Variants in CORIN observed in about 807,000 individuals in gnomAD.
CORIN encodes corin, serine peptidase, also known as atrial natriuretic peptide-converting enzyme.
CORIN carries 117 observed loss-of-function variants against 125.3 expected under a neutral mutation model. The observed-to-expected ratio is 0.93, with a 90% confidence interval of 0.80 to 1.09. The LOEUF is 1.09. CORIN is among the 50% of genes least tolerant of loss of function. The pLI, the probability that CORIN is intolerant of heterozygous loss-of-function variation, is 0.00. For synonymous variants in CORIN, 450 were observed against 466.4 expected (o/e 0.96, Z 0.45); for missense variants, 1,253 against 1,306.7 (o/e 0.96, Z 0.63).
At position 47,744,663 on chromosome 4, in the gene CORIN, C is replaced by A. The variant is rs6447582; in HGVS notation, c.618-80G>T. ...GAAATAATAGTGAAATTAAAGTTAG[C>A]CCCTGTGTTGTGATATTATCTTAAT... On this transcript the variant is annotated intron_variant, in intron 4 of 21. Coordinates refer to ENST00000273857, the MANE Select transcript of CORIN (RefSeq NM_006587.4). 9.7e-3 allele frequency: 12,930 copies of A among 1,331,032 alleles called. 856 individuals carry two copies. The African/African-American group carries it at 0.16, about 16-fold the overall frequency. The allele number at this position is 1,331,032 out of a possible 1,614,324, so 82.5% of individuals were successfully genotyped here. A position where few individuals can be genotyped will look rare whatever the true frequency, so the allele number is the denominator to read the frequency against.
At position 47,798,001 on chromosome 4, in the gene CORIN, T is replaced by C. The variant is rs566197715; in HGVS notation, c.208+8902A>G. ...TAAAAATCTACATATAATTTAACTT[T>C]CTTATTTTTCAATTTCTCTTTGAAG... On this transcript the variant is annotated intron_variant, in intron 2 of 21. Transcript: ENST00000273857. 6.6e-5 allele frequency among the ~76,000 whole-genome samples: 10 copies of C among 152,260 alleles called. 1 individual carries two copies. In the South Asian group the frequency reaches 1.7e-3, roughly 25 times the overall value.
chr4:47,656,313 G>T (rs2109651122), intron 12 of CORIN, among the ~76,000 whole-genome samples: 1 of 152,006 alleles, frequency 6.6e-6, no homozygotes, highest in Non-Finnish European at 1.5e-5. Flanking sequence ...CTGCCACCAT[G>T]CCCAGCTAAT....
intron 1 of CORIN, among the ~76,000 whole-genome samples, chr4:47,819,276 A>G (rs1375621932): frequency 6.6e-6 from 1 of 152,206 alleles, no homozygotes; most frequent in East Asian, 1.9e-4. Flanking sequence ...AAATCTACTC[A>G]TATTTCTCAC....
In CORIN at chr4:47,653,630, G is replaced by A. The variant is rs1176505390; in HGVS notation, c.1766C>T (p.Ser589Leu). Residue 589 changes from serine (S) to leucine (L), a missense_variant, in exon 13 of 22, where the codon TCA becomes TTA. By Grantham distance (145) the Ser-to-Leu change is moderately radical. Coordinates refer to ENST00000273857, the MANE Select transcript of CORIN (RefSeq NM_006587.4). The part of the protein sequence containing the change: ...ECSPSHFKCR[S>L]GQCVLASRRC... ...TCTGGAAGCCAGAACACACTGTCCT[G>A]AGCGGCACTTGAAATGACTAGGTGA... 3 of 1,613,968 alleles carry A rather than the reference G, an allele frequency of 1.9e-6. No homozygotes were observed. The highest frequency in any genetic ancestry group is 2.2e-5 in the East Asian group (1 of 44,878).
intron 5 of CORIN, among the ~76,000 whole-genome samples, chr4:47,695,405 C>G (rs1382469900): frequency 6.6e-6 from 1 of 152,194 alleles, no homozygotes; most frequent in Non-Finnish European, 1.5e-5. Context: ...GAACTGAAAG[C>G]TCAAGATTCA....
At chr4:47,741,357 T>C (rs1728387873) in intron 5 of CORIN, among the ~76,000 whole-genome samples, 1 of 152,044 alleles carries the variant, frequency 6.6e-6, no homozygotes, top group Admixed American at 6.5e-5. Context: ...AATTAGTCAT[T>C]AGCAAACTGC....
chr4:47,677,051 T>C (rs980116030), intron 9 of CORIN, among the ~76,000 whole-genome samples: 1 of 152,222 alleles, frequency 6.6e-6, no homozygotes, highest in Non-Finnish European at 1.5e-5. Context: ...AATTTATCTA[T>C]AGGTGACCAG....
intron 12 of CORIN, among the ~76,000 whole-genome samples, chr4:47,657,226 A>G (rs1724025394): frequency 6.6e-6 from 1 of 152,172 alleles, no homozygotes; most frequent in Non-Finnish European, 1.5e-5. Context: ...CCATTCTTGC[A>G]CTGCTATAAA....
In CORIN at chr4:47,603,566, A is replaced by G; in HGVS notation, c.2643T>C (p.His881=). Reference sequence around the variant, plus strand: ...CCACCACTGCTCGACTGTAGCGGGGATGCAGGATGATGGTCTTCACAAAGC... The same window carrying G: ...CCACCACTGCTCGACTGTAGCGGGGGTGCAGGATGATGGTCTTCACAAAGC... The part of the protein sequence containing the change: ...QTRFVKTIIL[H]PRYSRAVVDY... The change falls in exon 20 of 22, where the codon CAT becomes CAC. Residue 881 remains histidine (H), a synonymous_variant. Transcript: ENST00000273857. 6.2e-7 allele frequency: 1 copy of G among 1,614,150 alleles called. No homozygotes were observed. Among genetic ancestry groups the G allele is most frequent in the East Asian group, 2.2e-5 (1 of 44,878 alleles).
chr4:47,682,025 G>A (rs768647209), intron 7 of CORIN: 21 of 152,166 alleles, frequency 1.4e-4, no homozygotes, highest in Non-Finnish European at 2.5e-4. Context: ...TCTGTTTAGT[G>A]AAATAAGCCA....
chr4:47,768,986 G>C (rs1420802132), intron 3 of CORIN, among the ~76,000 whole-genome samples: 1 of 152,136 alleles, frequency 6.6e-6, no homozygotes, highest in Non-Finnish European at 1.5e-5. Context: ...TTAGGCAAGA[G>C]AAAGAAATAA....
chr4:47,811,323 T>G (rs1006755059), intron 1 of CORIN, among the ~76,000 whole-genome samples: 9 of 152,156 alleles, frequency 5.9e-5, no homozygotes, highest in African/African-American at 2.2e-4. Context: ...GGGGAGGGCT[T>G]TGGATTTACA....
intron 13 of CORIN, among the ~76,000 whole-genome samples, chr4:47,647,057 C>G (rs968795524): frequency 6.6e-6 from 1 of 152,000 alleles, no homozygotes; most frequent in Non-Finnish European, 1.5e-5. Context: ...GCTGATAATC[C>G]GGGGGGGTCT....
intron 19 of CORIN, among the ~76,000 whole-genome samples, chr4:47,611,217 C>T (rs1368279495): frequency 6.6e-6 from 1 of 152,150 alleles, no homozygotes; most frequent in Non-Finnish European, 1.5e-5. Flanking sequence ...TTGATTCTTC[C>T]TATCCATGAG....
At chr4:47,741,541 T>A (rs1728396243) in intron 5 of CORIN, among the ~76,000 whole-genome samples, 1 of 152,048 alleles carries the variant, frequency 6.6e-6, no homozygotes, top group Non-Finnish European at 1.5e-5. Context: ...ATTCTACTCC[T>A]AGGTATATAG....
chr4:47,698,470 G>T (rs1484321976), intron 5 of CORIN, among the ~76,000 whole-genome samples: 2 of 151,810 alleles, frequency 1.3e-5, no homozygotes, highest in Non-Finnish European at 2.9e-5. Context: ...AGTAGCATGA[G>T]CAGGGACCAA....
At chr4:47,831,442 G>A (rs1238952223) in intron 1 of CORIN, 14 of 152,282 alleles carry the variant, frequency 9.2e-5, no homozygotes, top group Admixed American at 7.9e-4. Context: ...AGAAAGGGTG[G>A]AGACTGAAGA....
intron 19 of CORIN, among the ~76,000 whole-genome samples, chr4:47,614,302 T>A (rs529646168): frequency 6.6e-6 from 1 of 152,240 alleles, no homozygotes; most frequent in East Asian, 1.9e-4. Context: ...TTCAAGTGAT[T>A]CGCCTGCCTC....
intron 16 of CORIN, among the ~76,000 whole-genome samples, chr4:47,638,556 T>C (rs1011389726): frequency 2.0e-5 from 3 of 152,226 alleles, no homozygotes; most frequent in African/African-American, 7.2e-5. Flanking sequence ...CAAGATCATA[T>C]GGTTTTAAAA....
Sources: gnomAD v4.1 joint callset for allele counts (sites outside exome capture counted in the v4.1 genomes callset) on GRCh38, gnomAD v4.1.1 for gene constraint, MANE v1.5 for transcripts, NCBI Gene and HGNC (gene_info 2026-07-23, HGNC 2026-07-21) for gene names.